The following CACNB2 variants were observed in gnomAD, a reference collection of about 807,000 sequenced individuals.
CACNB2 encodes calcium voltage-gated channel auxiliary subunit beta 2.
CACNB2 carries 42 observed loss-of-function variants against 73.3 expected under a neutral mutation model. The ratio of observed to expected loss-of-function variants is 0.57; its 90% CI spans 0.45 to 0.74. The LOEUF is 0.74. Among genes scored for constraint, CACNB2 ranks in the 30% least tolerant of loss-of-function variants. CACNB2 has a pLI of 0.00. For missense variants in CACNB2, 940 were observed against 853.0 expected, an observed-to-expected ratio of 1.10 and a Z score of -1.27; for synonymous variants, 348 against 310.3, an observed-to-expected ratio of 1.12 and a Z score of -1.28.
chr10:18,269,011 A>G (rs1020038193), intron 2 of CACNB2, among the ~76,000 whole-genome samples: 10 of 151,980 alleles, frequency 6.6e-5, no homozygotes, highest in Non-Finnish European at 1.5e-4. Flanking sequence ...CCTTCATGAG[A>G]TGTTATATGT....
intron 3 of CACNB2, among the ~76,000 whole-genome samples, chr10:18,448,960 G>A (rs1160119033): frequency 6.6e-6 from 1 of 152,222 alleles, no homozygotes; most frequent in Non-Finnish European, 1.5e-5. Flanking sequence ...AGATGATACT[G>A]TGAGCCCAGT....
Position 18,493,326 on chromosome 10 carries a change from C to T in CACNB2, c.334-5029C>T, listed in dbSNP as rs563449792. On this transcript the variant is annotated intron_variant, in intron 3 of 13. Transcript: ENST00000324631. ...TGGGATTACAGGTCTGGCCACCACG[C>T]CTGGCTAATTTTTGTATTTTTAGTA... Among the ~76,000 whole-genome samples the T allele has an allele frequency of 2.6e-5, 4 of 152,226 alleles. No individual in the cohort carries two copies. The South Asian group carries it at 8.3e-4, about 32-fold the overall frequency.
chr10:18,386,829 C>T (rs1338117001), intron 2 of CACNB2, among the ~76,000 whole-genome samples: 1 of 152,124 alleles, frequency 6.6e-6, no homozygotes, highest in Non-Finnish European at 1.5e-5. Context: ...AATATGTCAT[C>T]TATATTCTTA....
intron 10 of CACNB2, among the ~76,000 whole-genome samples, chr10:18,531,635 TA>T (rs1208646426): frequency 2.0e-5 from 3 of 152,214 alleles, no homozygotes; most frequent in Admixed American, 2.0e-4. Context: ...ATCAACAGTG[TA>T]TAAGCGTTCC....
chr10:18,374,614 G>A (rs891632507), intron 2 of CACNB2, among the ~76,000 whole-genome samples: 6 of 152,186 alleles, frequency 3.9e-5, no homozygotes, highest in Non-Finnish European at 5.9e-5. Flanking sequence ...CTAAGGTGGT[G>A]TAATCTGAAT....
chr10:18,248,327 G>A lies in CACNB2; in HGVS notation c.213+97352G>A, dbSNP rs564836620. Among the ~76,000 whole-genome samples, 53 of 152,304 alleles carry A rather than the reference G, an allele frequency of 3.5e-4. No individual in the cohort carries two copies. The South Asian group carries it at 4.8e-3, about 14-fold the overall frequency. ...GTATTTCAATTAATTTACCTTTGGTGAGTGTCTGATTCATAAGTAAGAATA... is the reference window on the plus strand; with the variant it reads ...GTATTTCAATTAATTTACCTTTGGTAAGTGTCTGATTCATAAGTAAGAATA... On this transcript the variant is annotated intron_variant, in intron 2 of 13. Transcript: ENST00000324631.
chr10:18,419,179 T>C (rs549743191), intron 3 of CACNB2, among the ~76,000 whole-genome samples: 1 of 152,374 alleles, frequency 6.6e-6, no homozygotes, highest in East Asian at 1.9e-4. Flanking sequence ...AACTACTTGC[T>C]TCTCCTCTGA....
intron 3 of CACNB2, among the ~76,000 whole-genome samples, chr10:18,461,543 G>A (rs558396836): frequency 1.1e-4 from 17 of 151,600 alleles, no homozygotes; most frequent in Non-Finnish European, 2.2e-4. Flanking sequence ...TTTCCTGGAA[G>A]ACTATTTTTC....
At chr10:18,379,125 T>C (rs1292224670) in intron 2 of CACNB2, among the ~76,000 whole-genome samples, 3 of 152,222 alleles carry the variant, frequency 2.0e-5, no homozygotes, top group African/African-American at 7.2e-5. Flanking sequence ...AAATTTGGCT[T>C]TGTCTTTTCT....
In CACNB2 at chr10:18,493,402, G is replaced by A. The variant is rs778998604; in HGVS notation, c.334-4953G>A. Among the ~76,000 whole-genome samples the A allele has an allele frequency of 3.9e-5, 6 of 152,104 alleles. 1 individual carries two copies. Among genetic ancestry groups the A allele is most frequent in the South Asian group, 4.2e-4 (2 of 4,818 alleles). On this transcript the variant is annotated intron_variant, in intron 3 of 13. Coordinates refer to ENST00000324631, the MANE Select transcript of CACNB2 (RefSeq NM_201596.3). ...AGGCTGGTCTCAAACTCCTGATCTC[G>A]TGATCCGCCCACCTCTGCCTCCCAA... is the stretch of plus-strand genomic sequence containing the variant.
intron 2 of CACNB2, among the ~76,000 whole-genome samples, chr10:18,223,102 T>C (rs1198409073): frequency 6.6e-6 from 1 of 152,210 alleles, no homozygotes. Context: ...GGCATATTTA[T>C]GGGCATGACA....
At chr10:18,282,346 T>C (rs1035087353) in intron 2 of CACNB2, among the ~76,000 whole-genome samples, 1 of 152,240 alleles carries the variant, frequency 6.6e-6, no homozygotes. Flanking sequence ...GCAACAGAGG[T>C]GTCTGCTGCA....
intron 3 of CACNB2, among the ~76,000 whole-genome samples, chr10:18,448,490 A>G (rs947741956): frequency 2.7e-5 from 4 of 150,666 alleles, no homozygotes; most frequent in South Asian, 2.1e-4. Context: ...AAAAAAAAAA[A>G]AAAAAAAAAA....
intron 2 of CACNB2, among the ~76,000 whole-genome samples, chr10:18,282,612 T>C (rs182077080): frequency 6.6e-6 from 1 of 152,376 alleles, no homozygotes; most frequent in African/African-American, 2.4e-5. Context: ...CTGAGCACTC[T>C]TTCTGGCAAA....
chr10:18,231,969 T>G (rs376681941), intron 2 of CACNB2, among the ~76,000 whole-genome samples: 1 of 152,250 alleles, frequency 6.6e-6, no homozygotes, highest in Non-Finnish European at 1.5e-5. Flanking sequence ...CAGACCTCCA[T>G]GCAAAATGTA....
intron 2 of CACNB2, among the ~76,000 whole-genome samples, chr10:18,177,888 A>T (rs1181163185): frequency 3.3e-5 from 5 of 152,234 alleles, no homozygotes. Context: ...TTAACTTTCC[A>T]TTTGGCATAG....
chr10:18,213,233 G>C (rs1465166518), intron 2 of CACNB2, among the ~76,000 whole-genome samples: 2 of 152,148 alleles, frequency 1.3e-5, no homozygotes, highest in Non-Finnish European at 2.9e-5. Flanking sequence ...TTTAGATTTG[G>C]AGTTGCAGAG....
At chr10:18,497,430 T>C (rs1468216021) in intron 3 of CACNB2, among the ~76,000 whole-genome samples, 1 of 151,150 alleles carries the variant, frequency 6.6e-6, no homozygotes, top group Non-Finnish European at 1.5e-5. Context: ...TGTTTTTTTC[T>C]TTTTTTTGAG....
intron 3 of CACNB2, among the ~76,000 whole-genome samples, chr10:18,461,225 A>G (rs549594213): frequency 2.6e-5 from 4 of 152,234 alleles, no homozygotes; most frequent in East Asian, 3.9e-4. Context: ...TTCTTGCTCT[A>G]TCTTTACACC....
Sources: gnomAD v4.1 joint callset for allele counts (sites outside exome capture counted in the v4.1 genomes callset) on GRCh38, gnomAD v4.1.1 for gene constraint, MANE v1.5 for transcripts, NCBI Gene and HGNC (gene_info 2026-07-23, HGNC 2026-07-21) for gene names.